The following RACK1 variants were observed in gnomAD, a reference collection of about 807,000 sequenced individuals.
RACK1 encodes receptor for activated C kinase 1, also known as small ribosomal subunit protein RACK1.
A neutral mutation model predicts 42.2 loss-of-function variants in RACK1; 3 were observed. That is an observed-to-expected ratio of 0.07 (90% CI 0.03 to 0.18). RACK1 has a LOEUF of 0.18. Among genes scored for constraint, RACK1 ranks in the 10% least tolerant of loss-of-function variants. RACK1 has a pLI of 1.00. For missense variants in RACK1, 146 were observed against 403.2 expected, an observed-to-expected ratio of 0.36 and a Z score of 5.46; for synonymous variants, 181 against 154.8, an observed-to-expected ratio of 1.17 and a Z score of -1.25.
intron 5 of RACK1, chr5:181,238,558 A>G (rs896835637): frequency 5.7e-6 from 2 of 348,742 alleles, no homozygotes; most frequent in Non-Finnish European, 1.1e-5. Context: ...TAATCCCAGC[A>G]CTTTGGGAAG....
At position 181,239,522 on chromosome 5, in the gene RACK1, T is replaced by C; in HGVS notation, c.490A>G (p.Ile164Val). 2 of 1,613,898 alleles carry C rather than the reference T, an allele frequency of 1.2e-6. No homozygotes were observed. The highest frequency in any genetic ancestry group is 1.7e-6 in the Non-Finnish European group (2 of 1,179,826). ...TTGTCCCAGCCACAGGAGACGATGA[T>C]AGGGTTGCTGCTGTTGGGCGAGAAG... ...VRFSPNSSNPIIVSCGWDKLV... is the reference protein window; with the variant it reads ...VRFSPNSSNPVIVSCGWDKLV... Residue 164 changes from isoleucine (I) to valine (V), a missense_variant, in exon 4 of 8, where the codon ATC becomes GTC. By Grantham distance (29) the Ile-to-Val change is conservative (BLOSUM62 3). Coordinates refer to ENST00000512805, the MANE Select transcript of RACK1 (RefSeq NM_006098.5).
In RACK1 at chr5:181,243,891, T is replaced by C; in HGVS notation, c.-91A>G. The stretch of plus-strand genomic sequence containing the variant: ...CACCACAACCTCTCCTGCCGCCGCC[T>C]TGCAGTGAAAGAGAGAGAGAAAAGC... On this transcript the variant is annotated 5_prime_UTR_variant, in exon 1 of 8. Coordinates refer to ENST00000512805, the MANE Select transcript of RACK1 (RefSeq NM_006098.5). The C allele has an allele frequency of 1.4e-6, 2 of 1,473,918 alleles. No homozygotes were observed. Among genetic ancestry groups the C allele is most frequent in the Non-Finnish European group, 1.8e-6 (2 of 1,109,742 alleles). 91.3% of individuals were successfully genotyped at this position (1,473,918 alleles called of 1,614,324 possible).
chr5:181,239,547 G>T lies in RACK1; in HGVS notation c.465C>A (p.Arg155=). 6.2e-7 allele frequency: 1 copy of T among 1,613,908 alleles called. No homozygotes were observed. The highest frequency in any genetic ancestry group is 2.2e-5 in the East Asian group (1 of 44,858). The change falls in exon 4 of 8, where the codon CGC becomes CGA. Residue 155 remains arginine, a synonymous_variant. Transcript: ENST00000512805. ...TAGGGTTGCTGCTGTTGGGCGAGAA[G>T]CGGACACAAGACACCCACTCTGAGT... ...ESHSEWVSCV[R]FSPNSSNPII...
In RACK1 at chr5:181,241,458, G is replaced by T. The variant is rs780269041; in HGVS notation, c.429+34C>A. The T allele has an allele frequency of 4.8e-5, 73 of 1,525,966 alleles. No homozygotes were observed. In the Middle Eastern group the frequency reaches 7.3e-4, roughly 15 times the overall value. 94.5% of individuals were successfully genotyped at this position (1,525,966 alleles called of 1,614,324 possible). A position where few individuals can be genotyped will look rare whatever the true frequency, so the allele number is the denominator to read the frequency against. ...AAAAAAAAAAAGCAAAGTTTAAGAG[G>T]GTGGAAGAGATCCTTGGAGATGGCT... On this transcript the variant is annotated intron_variant, in intron 3 of 7. Transcript: ENST00000512805.
At chr5:181,238,076 A>G (rs767877625) in intron 6 of RACK1, 23 bp downstream of exon 6, 47 of 1,613,274 alleles carry the variant, frequency 2.9e-5, no homozygotes, top group Non-Finnish European at 3.9e-5. Flanking sequence ...CCAGGTACCC[A>G]GTCAATTGTA....
chr5:181,238,091 A>C lies in RACK1; in HGVS notation c.777+8T>G. On this transcript the variant is annotated splice_region_variant and intron_variant, in intron 6 of 7. Transcript: ENST00000512805. ...CCAGGTACCCAGTCAATTGTAACCC[A>C]CACTCACCCAGATCTTGATGCTGGG... is the stretch of plus-strand genomic sequence containing the variant. The C allele has an allele frequency of 1.2e-6, 2 of 1,613,998 alleles. No individual in the cohort carries two copies. The highest frequency in any genetic ancestry group is 1.7e-4 in the Middle Eastern group (1 of 6,060).
intron 2 of RACK1, chr5:181,241,870 T>A: frequency 3.9e-6 from 3 of 769,578 alleles, no homozygotes; most frequent in Non-Finnish European, 7.1e-6. Context: ...TGGCTGACAA[T>A]GCCATCTGTC....
intron 3 of RACK1, 90 bp downstream of exon 3, chr5:181,241,402 C>T (rs1383031299): frequency 8.3e-7 from 1 of 1,201,520 alleles, no homozygotes; most frequent in African/African-American, 1.8e-5. Context: ...TGCACTCCAG[C>T]TTGGGCAAGA....
At chr5:181,242,392 C>G (rs776627849) in intron 1 of RACK1, 47 bp from the exon 2 acceptor site, 1 of 1,305,966 alleles carries the variant, frequency 7.7e-7, no homozygotes, top group Admixed American at 1.8e-5. Context: ...ACCCGCAGCC[C>G]GTTTAACACA....
intron 1 of RACK1, chr5:181,242,631 C>A: frequency 2.1e-6 from 1 of 473,492 alleles, no homozygotes; most frequent in Non-Finnish European, 4.1e-6. Flanking sequence ...GATCTCGGCT[C>A]ACTCCAAACT....
intron 5 of RACK1, chr5:181,238,786 G>A (rs1199687291): frequency 7.4e-6 from 3 of 403,944 alleles, no homozygotes; most frequent in South Asian, 4.2e-5. Flanking sequence ...GCAGCCGAGT[G>A]AGACTCCGTC....
intron 7 of RACK1, 80 bp downstream of exon 7, chr5:181,237,529 G>T: frequency 1.2e-6 from 1 of 824,298 alleles, no homozygotes; most frequent in South Asian, 1.4e-5. Context: ...TCTTGTGTCT[G>T]ACAGACTAGA....
chr5:181,237,452 T>C, intron 7 of RACK1, 157 bp downstream of exon 7: 1 of 670,144 alleles, frequency 1.5e-6, no homozygotes, highest in East Asian at 2.7e-5. Context: ...ACACATTCAC[T>C]GGCATGGCAA....
intron 5 of RACK1, 86 bp from the exon 6 acceptor site, chr5:181,238,325 CT>C: frequency 1.4e-6 from 2 of 1,395,614 alleles, no homozygotes; most frequent in Non-Finnish European, 2.0e-6. Context: ...AGAATCAATT[CT>C]TACCTTTCCT....
intron 6 of RACK1, 91 bp from the exon 7 acceptor site, chr5:181,237,810 T>C (rs756032248): frequency 4.8e-5 from 39 of 806,442 alleles, no homozygotes; most frequent in Middle Eastern, 3.5e-4. Context: ...TAAAAAGGGA[T>C]GATTTTGCTC....
chr5:181,243,881 T>A lies in RACK1; in HGVS notation c.-81A>T, dbSNP rs904773818. 6.7e-6 allele frequency: 10 copies of A among 1,488,532 alleles called. No individual in the cohort carries two copies. Among genetic ancestry groups the A allele is most frequent in the Admixed American group, 4.6e-5 (2 of 43,220 alleles). 92.2% of individuals were successfully genotyped at this position (1,488,532 alleles called of 1,614,324 possible). On this transcript the variant is annotated 5_prime_UTR_variant, in exon 1 of 8. Transcript: ENST00000512805. ...GAGAAACTAGCACCACAACCTCTCCTGCCGCCGCCTTGCAGTGAAAGAGAG... is the reference window on the plus strand; with the variant it reads ...GAGAAACTAGCACCACAACCTCTCCAGCCGCCGCCTTGCAGTGAAAGAGAG...
intron 6 of RACK1, 44 bp downstream of exon 6, chr5:181,238,055 T>G (rs765595020): frequency 1.9e-6 from 3 of 1,606,698 alleles, no homozygotes; most frequent in Non-Finnish European, 2.6e-6. Context: ...TTGCCAGGGC[T>G]CAGAGTGCAG....
At position 181,239,113 on chromosome 5, in the gene RACK1, G is replaced by A. The variant is rs780842393; in HGVS notation, c.590C>T (p.Thr197Met). 6.8e-6 allele frequency: 11 copies of A among 1,613,926 alleles called. No individual in the cohort carries two copies. Among genetic ancestry groups the A allele is most frequent in the Admixed American group, 1.7e-5 (1 of 60,008 alleles). ...NHIGHTGYLNTVTVSPDGSLC... is the reference protein window; with the variant it reads ...NHIGHTGYLNMVTVSPDGSLC... ...GGATCCATCTGGAGAGACAGTCACC[G>A]TGTTCAGATAGCCTGTGTGGCCAAT... The change falls in exon 5 of 8, where the codon ACG becomes ATG. Residue 197 changes from threonine to methionine, a missense_variant. Thr to Met is a moderately conservative substitution (Grantham distance 81). Transcript: ENST00000512805.
rs758396241 is a variant in RACK1 at position 181,239,010 on chromosome 5, G to C, written c.636+57C>G. ...ATTTTACGTTAGAGACGCTGGCTAAGTGCTCCTTCCATGACGCTGTCTTCC... is the reference window on the plus strand; with the variant it reads ...ATTTTACGTTAGAGACGCTGGCTAACTGCTCCTTCCATGACGCTGTCTTCC... On this transcript the variant is annotated intron_variant, in intron 5 of 7. Coordinates refer to ENST00000512805, the MANE Select transcript of RACK1 (RefSeq NM_006098.5). 15 of 1,115,750 alleles carry C rather than the reference G, an allele frequency of 1.3e-5. No individual in the cohort carries two copies. In the East Asian group the frequency reaches 3.3e-4, roughly 24 times the overall value. 69.1% of individuals were successfully genotyped at this position (1,115,750 alleles called of 1,614,324 possible).
Sources: allele counts gnomAD v4.1 joint callset, GRCh38; gene constraint gnomAD v4.1.1; transcripts MANE v1.5; gene names NCBI Gene and HGNC (gene_info 2026-07-23, HGNC 2026-07-21).